Variants in CIMIP7 observed in about 807,000 individuals in gnomAD.
CIMIP7 encodes uncharacterized protein C3orf84.
At chr3:49,185,999 CT>C in the CIMIP7 span, among the ~76,000 whole-genome samples, 13,422 of 129,146 alleles carry the variant, frequency 0.1, 629 homozygotes, top group Middle Eastern at 0.12. Context: ...TTTTATAGCT[CT>C]TTTTTTTTTT....
chr3:49,186,034 G>A, the CIMIP7 span, among the ~76,000 whole-genome samples: 12 of 135,452 alleles, frequency 8.9e-5, no homozygotes, highest in Non-Finnish European at 1.6e-4. Context: ...GAGTTTTGCT[G>A]TTGTTGCCCA....
chr3:49,186,918 A>G, the CIMIP7 span, among the ~76,000 whole-genome samples: 1 of 152,218 alleles, frequency 6.6e-6, no homozygotes, highest in Non-Finnish European at 1.5e-5. Flanking sequence ...ACAACTGCTT[A>G]TGAATTGATA....
the CIMIP7 span, chr3:49,191,585 G>C: frequency 2.5e-6 from 2 of 784,838 alleles, no homozygotes; most frequent in Non-Finnish European, 4.5e-6. Context: ...GCAGCCTCCA[G>C]GGGTGACCTC....
chr3:49,188,768 G>A, the CIMIP7 span, among the ~76,000 whole-genome samples: 1 of 152,000 alleles, frequency 6.6e-6, no homozygotes, highest in African/African-American at 2.4e-5. Flanking sequence ...GCTTGTTACT[G>A]TTGTGACTCC....
the CIMIP7 span, chr3:49,177,796 C>T: frequency 4.3e-6 from 7 of 1,611,970 alleles, no homozygotes; most frequent in Non-Finnish European, 3.4e-6. Flanking sequence ...ATAGTGGCCA[C>T]CCTGGGATGG....
the CIMIP7 span, among the ~76,000 whole-genome samples, chr3:49,185,619 T>C: frequency 6.6e-6 from 1 of 151,502 alleles, no homozygotes; most frequent in South Asian, 2.1e-4. Context: ...TCCCTTGTGA[T>C]GTTGGTCTAC....
At chr3:49,185,250 G>C in the CIMIP7 span, among the ~76,000 whole-genome samples, 2 of 150,298 alleles carry the variant, frequency 1.3e-5, no homozygotes, top group African/African-American at 4.9e-5. Flanking sequence ...GACAGAGCAA[G>C]ACTCTGTCTT....
the CIMIP7 span, among the ~76,000 whole-genome samples, chr3:49,188,380 C>G: frequency 2.4e-4 from 36 of 152,266 alleles, no homozygotes; most frequent in African/African-American, 8.2e-4. Context: ...CCCTCTGGGC[C>G]TTTCTTCTAC....
At chr3:49,184,754 G>A in the CIMIP7 span, among the ~76,000 whole-genome samples, 1 of 149,888 alleles carries the variant, frequency 6.7e-6, no homozygotes, top group Admixed American at 6.7e-5. Context: ...TCAGCCTCCC[G>A]AGTAGCTATG....
At chr3:49,187,511 C>G in the CIMIP7 span, among the ~76,000 whole-genome samples, 4 of 152,198 alleles carry the variant, frequency 2.6e-5, no homozygotes, top group Non-Finnish European at 4.4e-5. Flanking sequence ...AGAACATGCA[C>G]CCAACCAGAC....
the CIMIP7 span, chr3:49,189,987 G>T: frequency 6.7e-7 from 1 of 1,492,548 alleles, no homozygotes; most frequent in Non-Finnish European, 9.4e-7. Context: ...GCAAGAACTG[G>T]TCTAGTCACC....
At chr3:49,188,730 C>T in the CIMIP7 span, among the ~76,000 whole-genome samples, 2 of 152,172 alleles carry the variant, frequency 1.3e-5, no homozygotes, top group African/African-American at 4.8e-5. Flanking sequence ...TGTAAACATA[C>T]CCTTCCGAGT....
the CIMIP7 span, among the ~76,000 whole-genome samples, chr3:49,183,033 C>T: frequency 5.3e-5 from 8 of 152,192 alleles, no homozygotes; most frequent in Admixed American, 1.3e-4. Context: ...GGAGCCGTCT[C>T]GGGCCTCGGC....
chr3:49,178,058 C>T, the CIMIP7 span: 2 of 1,586,540 alleles, frequency 1.3e-6, no homozygotes, highest in African/African-American at 1.3e-5. Context: ...GGACCCTCCT[C>T]AACGGTATGG....
the CIMIP7 span, among the ~76,000 whole-genome samples, chr3:49,188,606 G>A: frequency 1.3e-5 from 2 of 152,074 alleles, no homozygotes; most frequent in Non-Finnish European, 1.5e-5. Context: ...TCTCCTTCTC[G>A]ATTCCAGAAG....
the CIMIP7 span, among the ~76,000 whole-genome samples, chr3:49,181,139 C>T: frequency 1.5e-4 from 22 of 151,480 alleles, no homozygotes; most frequent in African/African-American, 4.4e-4. Flanking sequence ...GCCAGGAATT[C>T]GAGACCAGCC....
the CIMIP7 span, chr3:49,191,580 C>T: frequency 1.3e-6 from 1 of 767,930 alleles, no homozygotes; most frequent in Non-Finnish European, 2.3e-6. Context: ...ACTAGGCAGC[C>T]TCCAGGGGTG....
chr3:49,179,724 C>T, the CIMIP7 span, among the ~76,000 whole-genome samples: 1 of 152,240 alleles, frequency 6.6e-6, no homozygotes, highest in Non-Finnish European at 1.5e-5. Context: ...CTGATTAGAA[C>T]ATCTCATGCC....
the CIMIP7 span, among the ~76,000 whole-genome samples, chr3:49,178,819 G>A: frequency 6.6e-6 from 1 of 152,154 alleles, no homozygotes; most frequent in Non-Finnish European, 1.5e-5. Context: ...CCTCCCATCA[G>A]GGGAGCAGTG....
Sources: allele counts gnomAD v4.1 joint callset (sites outside exome capture counted in the v4.1 genomes callset), GRCh38; gene constraint gnomAD v4.1.1; transcripts MANE v1.5; gene names NCBI Gene and HGNC (gene_info 2026-07-23, HGNC 2026-07-21).